RANBP2: variants seen among roughly 807,000 people sequenced by gnomAD.
RANBP2 encodes RAN binding protein 2.
RANBP2 carries 57 observed loss-of-function variants against 303.6 expected under a neutral mutation model. The ratio of observed to expected loss-of-function variants is 0.19; its 90% CI spans 0.15 to 0.23. RANBP2 has a LOEUF of 0.23. Among genes scored for constraint, RANBP2 ranks in the 10% least tolerant of loss-of-function variants. The pLI is 1.00. For synonymous variants in RANBP2, 1,167 were observed against 1,301.5 expected (o/e 0.90, Z 2.23); for missense variants, 3,138 against 3,780.8 (o/e 0.83, Z 4.46).
the RANBP2 span, among the ~76,000 whole-genome samples, chr2:109,121,090 C>CA: frequency 4.6e-5 from 7 of 151,732 alleles, no homozygotes; most frequent in Admixed American, 3.3e-4. Flanking sequence ...ACTAAAAATA[C>CA]AAAAAAAATT....
the RANBP2 span, among the ~76,000 whole-genome samples, chr2:109,028,904 G>A: frequency 1.3e-5 from 2 of 152,130 alleles, no homozygotes; most frequent in Non-Finnish European, 2.9e-5. Flanking sequence ...GAATCTGGCT[G>A]TCACGACTTT....
chr2:109,748,637 C>T, the RANBP2 span, among the ~76,000 whole-genome samples: 1 of 134,000 alleles, frequency 7.5e-6, no homozygotes, highest in Non-Finnish European at 1.6e-5. Context: ...GTTTGGGAGG[C>T]CGAGGCGGGC....
the RANBP2 span, among the ~76,000 whole-genome samples, chr2:108,795,561 A>G: frequency 1.3e-5 from 2 of 152,248 alleles, no homozygotes; most frequent in African/African-American, 2.4e-5. Context: ...TTGGAAACAC[A>G]TGAAATAGTT....
the RANBP2 span, among the ~76,000 whole-genome samples, chr2:109,210,907 C>G: frequency 1.1e-4 from 16 of 152,204 alleles, no homozygotes; most frequent in Non-Finnish European, 2.4e-4. Flanking sequence ...CCCCACTTGA[C>G]ACGTGGTGGA....
chr2:109,306,562 T>C, the RANBP2 span, among the ~76,000 whole-genome samples: 6 of 152,184 alleles, frequency 3.9e-5, no homozygotes, highest in South Asian at 2.1e-4. Flanking sequence ...GACCGTACAG[T>C]GGCTGGTGGT....
At chr2:109,466,299 T>G in the RANBP2 span, among the ~76,000 whole-genome samples, 1 of 152,112 alleles carries the variant, frequency 6.6e-6, no homozygotes, top group Non-Finnish European at 1.5e-5. Flanking sequence ...GCCAGGATGG[T>G]CTTGATCTCC....
At chr2:109,287,320 G>A in the RANBP2 span, among the ~76,000 whole-genome samples, 2 of 152,104 alleles carry the variant, frequency 1.3e-5, no homozygotes, top group Admixed American at 6.5e-5. Flanking sequence ...GTGGAGAGGC[G>A]ATACCAGTGT....
At chr2:109,376,848 G>A in the RANBP2 span, among the ~76,000 whole-genome samples, 1,062 of 152,316 alleles carry the variant, frequency 7.0e-3, 12 homozygotes, top group African/African-American at 0.024. Flanking sequence ...AGTAAAGGGC[G>A]GGGAGGAAGA....
chr2:109,224,161 A>C, the RANBP2 span, among the ~76,000 whole-genome samples: 1 of 152,158 alleles, frequency 6.6e-6, no homozygotes, highest in Non-Finnish European at 1.5e-5. Flanking sequence ...TGGCAGGCCT[A>C]GAGAGTGTGT....
chr2:109,568,821 C>G, the RANBP2 span, among the ~76,000 whole-genome samples: 1 of 152,156 alleles, frequency 6.6e-6, no homozygotes, highest in African/African-American at 2.4e-5. Context: ...CCCACTGTCA[C>G]AGACTTACTT....
chr2:109,542,370 T>TA, the RANBP2 span, among the ~76,000 whole-genome samples: 1 of 152,220 alleles, frequency 6.6e-6, no homozygotes, highest in Non-Finnish European at 1.5e-5. Flanking sequence ...GCCCTGCTGT[T>TA]AAGTCTAGAG....
chr2:109,280,432 G>T, the RANBP2 span, among the ~76,000 whole-genome samples: 2 of 152,162 alleles, frequency 1.3e-5, no homozygotes, highest in Admixed American at 6.5e-5. Context: ...CCCCAGTCTG[G>T]TGGACGCTCA....
the RANBP2 span, among the ~76,000 whole-genome samples, chr2:108,840,267 T>C: frequency 1.3e-5 from 2 of 152,184 alleles, no homozygotes; most frequent in Admixed American, 6.5e-5. Flanking sequence ...TTAAGGACTT[T>C]TGTTTCTATA....
the RANBP2 span, among the ~76,000 whole-genome samples, chr2:108,812,070 A>G: frequency 6.6e-6 from 1 of 152,196 alleles, no homozygotes; most frequent in Non-Finnish European, 1.5e-5. Context: ...ATAAATCTAA[A>G]GAGAGATGTG....
the RANBP2 span, among the ~76,000 whole-genome samples, chr2:109,487,322 C>T: frequency 6.6e-6 from 1 of 152,160 alleles, no homozygotes; most frequent in Non-Finnish European, 1.5e-5. Flanking sequence ...TTCTTTCCTG[C>T]CTCACACGGG....
chr2:109,496,520 A>G, the RANBP2 span, among the ~76,000 whole-genome samples: 2 of 152,206 alleles, frequency 1.3e-5, no homozygotes, highest in Non-Finnish European at 2.9e-5. Flanking sequence ...GACATCTATG[A>G]TAATAGTAAG....
chr2:109,112,095 G>C, the RANBP2 span, among the ~76,000 whole-genome samples: 1 of 151,510 alleles, frequency 6.6e-6, no homozygotes, highest in Admixed American at 6.6e-5. Context: ...ATAAACATAC[G>C]TGTGCATGTG....
the RANBP2 span, among the ~76,000 whole-genome samples, chr2:109,040,170 A>G: frequency 2.0e-5 from 3 of 152,190 alleles, no homozygotes; most frequent in South Asian, 2.1e-4. Context: ...CTCTTTCCCC[A>G]TATGGATATT....
chr2:108,770,649 C>T (rs10206540), intron 20 of RANBP2, among the ~76,000 whole-genome samples: 1 of 151,810 alleles, frequency 6.6e-6, no homozygotes, highest in African/African-American at 2.4e-5. Flanking sequence ...AATAAATTTT[C>T]TAGTAGCCAT....
Sources: allele counts gnomAD v4.1 joint callset (sites outside exome capture counted in the v4.1 genomes callset), GRCh38; gene constraint gnomAD v4.1.1; transcripts MANE v1.5; gene names NCBI Gene and HGNC (gene_info 2026-07-23, HGNC 2026-07-21).